PPP4R2: variants seen among roughly 807,000 people sequenced by gnomAD.
The protein encoded by PPP4R2 is serine/threonine-protein phosphatase 4 regulatory subunit 2.
A neutral mutation model predicts 47.2 loss-of-function variants in PPP4R2; 13 were observed. That is an observed-to-expected ratio of 0.28 (90% CI 0.18 to 0.44). The LOEUF (loss-of-function observed/expected upper bound fraction) is 0.44. PPP4R2 is among the 20% of genes least tolerant of loss of function. PPP4R2 has a pLI of 1.00. For missense variants in PPP4R2, 421 were observed against 491.2 expected (o/e 0.86, Z 1.35); for synonymous variants, 151 against 163.3 (o/e 0.92, Z 0.57).
Position 73,065,717 on chromosome 3 carries a change from G to A in PPP4R2, c.1249G>A (p.Asp417Asn), listed in dbSNP as rs769241723. The A allele has an allele frequency of 6.3e-7, 1 of 1,590,336 alleles. No homozygotes were observed. The highest frequency in any genetic ancestry group is 8.6e-7 in the Non-Finnish European group (1 of 1,164,766). Residue 417 changes from aspartate (D) to asparagine (N), a missense_variant, in exon 9 of 9, where the codon GAC becomes AAC. Around this residue, in one of 2 missense-constraint regions of PPP4R2, gnomAD observed 317 missense variants for 287.5 expected, o/e 1.10. Coordinates refer to ENST00000356692, the MANE Select transcript of PPP4R2 (RefSeq NM_174907.4). ...TEVTDEPMEQD is the reference protein window; with the variant it reads ...TEVTDEPMEQN ...AGTCACCGATGAACCAATGGAACAA[G>A]ACTAACTATTTAGAAACATTTAGAT...
intron 2 of PPP4R2, among the ~76,000 whole-genome samples, chr3:73,020,691 A>AAAAAAAAAT (rs1491161875): frequency 7.4e-5 from 11 of 148,742 alleles, no homozygotes; most frequent in African/African-American, 2.5e-4. Context: ...AAAAAAAAAA[A>AAAAAAAAAT]GTTAAAAAAC....
chr3:73,007,884 T>TA (rs1402015682), intron 2 of PPP4R2, among the ~76,000 whole-genome samples: 1 of 152,156 alleles, frequency 6.6e-6, no homozygotes, highest in East Asian at 1.9e-4. Context: ...GTCAGCCAAA[T>TA]ACTACCTTTA....
intron 2 of PPP4R2, among the ~76,000 whole-genome samples, chr3:73,038,242 C>G (rs762961662): frequency 4.6e-5 from 7 of 152,198 alleles, no homozygotes; most frequent in Non-Finnish European, 8.8e-5. Flanking sequence ...TTAAAAAACT[C>G]AACATCTCTT....
intron 3 of PPP4R2, among the ~76,000 whole-genome samples, chr3:73,050,457 A>T (rs12714791): frequency 0.45 from 67,985 of 151,558 alleles, 15,471 homozygotes; most frequent in South Asian, 0.56. Context: ...TGTTTTTTAT[A>T]TATATATAGT....
At chr3:73,029,030 C>G (rs529435978) in intron 2 of PPP4R2, among the ~76,000 whole-genome samples, 394 of 152,284 alleles carry the variant, frequency 2.6e-3, no homozygotes, top group African/African-American at 8.9e-3. Context: ...ACTGCAGCCT[C>G]GAACTCCTGG....
At chr3:73,065,303 G>A (rs772265366) in intron 8 of PPP4R2, 94 bp from the exon 9 acceptor site, 383 of 1,361,656 alleles carry the variant, frequency 2.8e-4, no homozygotes, top group Non-Finnish European at 3.5e-4. Flanking sequence ...CAGGGGATGT[G>A]ATTTGAACTA....
chr3:73,000,271 C>G (rs1701431881), intron 2 of PPP4R2, among the ~76,000 whole-genome samples: 1 of 152,134 alleles, frequency 6.6e-6, no homozygotes, highest in Non-Finnish European at 1.5e-5. Context: ...GAGGTTGAGG[C>G]TGCAGTGAGC....
At chr3:72,999,046 C>G (rs1476750409) in intron 2 of PPP4R2, among the ~76,000 whole-genome samples, 1 of 152,110 alleles carries the variant, frequency 6.6e-6, no homozygotes, top group Admixed American at 6.6e-5. Context: ...ACAAGATTTG[C>G]TTATTTGTAG....
At chr3:73,059,357 C>T (rs2107334646) in intron 4 of PPP4R2, among the ~76,000 whole-genome samples, 1 of 152,206 alleles carries the variant, frequency 6.6e-6, no homozygotes, top group East Asian at 1.9e-4. Flanking sequence ...TTGGTGAAAG[C>T]AGCTTATTAT....
chr3:73,065,273 ATG>A, intron 8 of PPP4R2, 122 bp from the exon 9 acceptor site: 1 of 1,289,002 alleles, frequency 7.8e-7, no homozygotes, highest in Non-Finnish European at 1.1e-6. Flanking sequence ...TCCCACCTGT[ATG>A]TAGTTGCTGC....
chr3:72,998,019 TTG>T (rs1473051344), intron 1 of PPP4R2, 56 bp from the exon 2 acceptor site: 1 of 1,219,120 alleles, frequency 8.2e-7, no homozygotes, highest in Non-Finnish European at 1.2e-6. Context: ...GGAGGAAAGT[TTG>T]TTTTTAGAGC....
intron 5 of PPP4R2, chr3:73,061,944 C>A (rs1487253425): frequency 2.6e-5 from 16 of 622,544 alleles, no homozygotes; most frequent in Middle Eastern, 4.3e-4. Context: ...TACTATATTT[C>A]TTGACAGAAA....
intron 2 of PPP4R2, among the ~76,000 whole-genome samples, chr3:73,036,396 A>G (rs1702261546): frequency 6.6e-6 from 1 of 152,216 alleles, no homozygotes; most frequent in South Asian, 2.1e-4. Flanking sequence ...GAAGATTTGA[A>G]ATGTTCCCAG....
chr3:73,021,277 G>C (rs1701955461), intron 2 of PPP4R2, among the ~76,000 whole-genome samples: 1 of 149,974 alleles, frequency 6.7e-6, no homozygotes, highest in Admixed American at 6.7e-5. Context: ...GTTTCACCCA[G>C]GCTGGGGGTG....
intron 3 of PPP4R2, among the ~76,000 whole-genome samples, chr3:73,050,889 T>C (rs1278365887): frequency 2.0e-5 from 3 of 152,188 alleles, no homozygotes; most frequent in African/African-American, 4.8e-5. Context: ...TGTCATGTTT[T>C]GAATATACGT....
intron 2 of PPP4R2, among the ~76,000 whole-genome samples, chr3:73,044,613 C>T (rs1575873447): frequency 6.6e-6 from 1 of 152,064 alleles, no homozygotes; most frequent in African/African-American, 2.4e-5. Context: ...TCTCTACATC[C>T]TTGGCCAGCC....
rs1703014616 is a variant in PPP4R2, at chr3:73,067,196, T to C, written c.*1474T>C. On this transcript the variant is annotated 3_prime_UTR_variant, in exon 9 of 9. Transcript: ENST00000356692. ...CAATAAATATTAATGTTATGAAATA[T>C]TTGACTACATTTTTATCAAAATATG... 1 of 152,144 alleles carries C rather than the reference T, an allele frequency of 6.6e-6. No homozygotes were observed. Among genetic ancestry groups the C allele is most frequent in the South Asian group, 2.1e-4 (1 of 4,834 alleles). 9.4% of individuals were successfully genotyped at this position (152,144 alleles called of 1,614,324 possible). A position where few individuals can be genotyped will look rare whatever the true frequency, so the allele number is the denominator to read the frequency against.
intron 2 of PPP4R2, among the ~76,000 whole-genome samples, chr3:73,034,855 A>AAC (rs1223678348): frequency 2.0e-5 from 3 of 151,834 alleles, no homozygotes; most frequent in African/African-American, 7.3e-5. Context: ...TTAAAAAAAA[A>AAC]AAAACATTTC....
chr3:73,055,293 C>T (rs1575883432), intron 3 of PPP4R2, among the ~76,000 whole-genome samples: 1 of 151,876 alleles, frequency 6.6e-6, no homozygotes, highest in East Asian at 1.9e-4. Context: ...TACATTATGT[C>T]GTATTTAGTC....
Sources: allele counts gnomAD v4.1 joint callset (sites outside exome capture counted in the v4.1 genomes callset), GRCh38; gene constraint gnomAD v4.1.1; regional missense constraint gnomAD v4.1.1; transcripts MANE v1.5; gene names NCBI Gene and HGNC (gene_info 2026-07-23, HGNC 2026-07-21).